The following SLC14A2 variants were observed in gnomAD, a reference collection of about 807,000 sequenced individuals.
SLC14A2 encodes the protein urea transporter 2.
Under a neutral mutation model 104.6 loss-of-function variants are expected in SLC14A2, and 91 were observed. That is an observed-to-expected ratio of 0.87 (90% confidence interval 0.73 to 1.04). SLC14A2 has a LOEUF of 1.04. Ranked by LOEUF, SLC14A2 falls within the 50% of genes least tolerant of loss-of-function variation. The probability of loss-of-function intolerance (pLI) is 0.00; values close to 1 mark genes in which losing one functional copy is unlikely to be tolerated. For missense variants in SLC14A2, 1,189 were observed against 1,156.0 expected, an observed-to-expected ratio of 1.03 and a Z score of -0.41; for synonymous variants, 476 against 466.4, an observed-to-expected ratio of 1.02 and a Z score of -0.27.
chr18:45,236,219 A>G (rs1176617741), intron 1 of SLC14A2, among the ~76,000 whole-genome samples: 2 of 49,546 alleles, frequency 4.0e-5, no homozygotes, highest in East Asian at 4.7e-4. Flanking sequence ...ATATGTGTGT[A>G]TATATGTGTA....
intron 1 of SLC14A2, among the ~76,000 whole-genome samples, chr18:45,467,229 T>A (rs2087160362): frequency 6.6e-6 from 1 of 152,172 alleles, no homozygotes; most frequent in South Asian, 2.1e-4. Flanking sequence ...AGAAGGTAAT[T>A]TACAGGCTCA....
intron 12 of SLC14A2, among the ~76,000 whole-genome samples, 199 bp downstream of exon 12, chr18:45,666,418 T>C (rs1482050582): frequency 6.6e-6 from 1 of 152,224 alleles, no homozygotes; most frequent in East Asian, 1.9e-4. Flanking sequence ...TTCCTTGTAT[T>C]TGAATTATTA....
chr18:45,592,760 C>A (rs2044666309), intron 2 of SLC14A2, among the ~76,000 whole-genome samples: 1 of 152,234 alleles, frequency 6.6e-6, no homozygotes, highest in Non-Finnish European at 1.5e-5. Flanking sequence ...CTGGGAGACC[C>A]AGTAGACAGT....
chr18:45,424,556 A>G (rs937719959), intron 1 of SLC14A2, among the ~76,000 whole-genome samples: 1 of 152,230 alleles, frequency 6.6e-6, no homozygotes, highest in Non-Finnish European at 1.5e-5. Context: ...CTAAAATCAC[A>G]ACTGTGCACA....
At position 45,594,044 on chromosome 18, in the gene SLC14A2, T is replaced by C. The variant is rs949703426; in HGVS notation, c.-34-30587T>C. The stretch of plus-strand genomic sequence containing the variant: ...TGCCAGAGTTTCTCAACCAGTGAGG[T>C]GTTTAGTGCTGCTTACTTTTTAAAA... On this transcript the variant is annotated intron_variant, in intron 2 of 20. Coordinates refer to the SLC14A2 transcript ENST00000586448. Among the ~76,000 whole-genome samples the C allele has an allele frequency of 8.5e-4, 129 of 152,130 alleles. 1 individual carries two copies. The highest frequency in any genetic ancestry group is 2.9e-3 in the African/African-American group (119 of 41,490).
chr18:45,249,126 G>A (rs2084395849), intron 1 of SLC14A2, among the ~76,000 whole-genome samples: 1 of 152,204 alleles, frequency 6.6e-6, no homozygotes. Context: ...ATGTGTGTAA[G>A]CAGCTTCACT....
intron 1 of SLC14A2, among the ~76,000 whole-genome samples, chr18:45,267,091 A>G (rs1484309345): frequency 2.0e-5 from 3 of 152,142 alleles, no homozygotes; most frequent in African/African-American, 7.2e-5. Flanking sequence ...TTGTTTAGGA[A>G]CATTTAGTGT....
At chr18:45,403,657 T>C (rs2144462342) in intron 1 of SLC14A2, among the ~76,000 whole-genome samples, 2 of 152,292 alleles carry the variant, frequency 1.3e-5, no homozygotes, top group Middle Eastern at 3.4e-3. Flanking sequence ...CTTGGCCTAA[T>C]TCACCCTGTA....
rs2045558493 is a variant in SLC14A2 at position 45,643,149 on chromosome 18, A to G, written c.1144A>G (p.Met382Val). 7 of 1,614,200 alleles carry G rather than the reference A, an allele frequency of 4.3e-6. No individual in the cohort carries two copies. The highest frequency in any genetic ancestry group is 5.1e-6 in the Non-Finnish European group (6 of 1,180,014). The change falls in exon 9 of 20, where the codon ATG becomes GTG. Residue 382 changes from methionine (M) to valine (V), a missense_variant. Physicochemically the swap from Met to Val is conservative, Grantham distance 21. Transcript: ENST00000255226. ...CTCCACAGCCCTGTTCTGTGCATAC[A>G]TGGAAGCAGCCATCTCCAACATCAT... Reference protein sequence around the residue: ...ALICALFCAYMEAAISNIMSV... With the variant: ...ALICALFCAYVEAAISNIMSV...
intron 1 of SLC14A2, among the ~76,000 whole-genome samples, chr18:45,476,533 C>G (rs548619256): frequency 6.6e-6 from 1 of 152,142 alleles, no homozygotes; most frequent in Non-Finnish European, 1.5e-5. Context: ...GCCTGCCTTG[C>G]GAGGCTGGGG....
chr18:45,262,546 C>T (rs2084550289), intron 1 of SLC14A2, among the ~76,000 whole-genome samples: 1 of 152,126 alleles, frequency 6.6e-6, no homozygotes, highest in Non-Finnish European at 1.5e-5. Context: ...TTAATTAATG[C>T]CCACACCTAC....
chr18:45,319,879 A>G (rs2085168054), intron 1 of SLC14A2, among the ~76,000 whole-genome samples: 1 of 152,212 alleles, frequency 6.6e-6, no homozygotes, highest in Non-Finnish European at 1.5e-5. Flanking sequence ...TCTGGTGCAA[A>G]CAGAACATCA....
chr18:45,208,868 T>C (rs2083936939), upstream of SLC14A2, among the ~76,000 whole-genome samples: 1 of 151,726 alleles, frequency 6.6e-6, no homozygotes, highest in African/African-American at 2.4e-5. Flanking sequence ...TGGAATGAGG[T>C]AGCATGAACA....
At chr18:45,354,188 G>A (rs564439418) in intron 1 of SLC14A2, among the ~76,000 whole-genome samples, 38 of 152,242 alleles carry the variant, frequency 2.5e-4, no homozygotes, top group Admixed American at 1.4e-3. Flanking sequence ...AGTAGAAGTC[G>A]CTGATTCAAG....
chr18:45,512,624 G>T (rs1347835444), intron 2 of SLC14A2, among the ~76,000 whole-genome samples: 1 of 152,172 alleles, frequency 6.6e-6, no homozygotes, highest in Non-Finnish European at 1.5e-5. Context: ...ACAGCTTGAT[G>T]GTCTTCCAGC....
intron 1 of SLC14A2, among the ~76,000 whole-genome samples, chr18:45,268,637 T>G (rs562636139): frequency 6.6e-6 from 1 of 152,320 alleles, no homozygotes; most frequent in South Asian, 2.1e-4. Flanking sequence ...AAGCACCTAG[T>G]ATAAGCAATT....
At chr18:45,485,988 G>A (rs953581374) in intron 2 of SLC14A2, among the ~76,000 whole-genome samples, 3 of 146,394 alleles carry the variant, frequency 2.0e-5, no homozygotes, top group Non-Finnish European at 4.4e-5. Context: ...CAAATCAAGT[G>A]GATGATGTTC....
intron 1 of SLC14A2, among the ~76,000 whole-genome samples, chr18:45,290,168 C>A (rs902817435): frequency 6.6e-6 from 1 of 152,034 alleles, no homozygotes; most frequent in South Asian, 2.1e-4. Context: ...AAGTATATTG[C>A]GTGACACTGA....
rs2045430753 is a variant in SLC14A2, at chr18:45,637,153, A to G, written c.814A>G (p.Ile272Val). 1.2e-6 allele frequency: 2 copies of G among 1,614,166 alleles called. No individual in the cohort carries two copies. The highest frequency in any genetic ancestry group is 1.7e-6 in the Non-Finnish European group (2 of 1,180,002). Reference protein sequence around the residue: ...LVEPVSSVPNITWTEMEMPLL... With the variant: ...LVEPVSSVPNVTWTEMEMPLL... ...AGAGCCTGTGTCTTCAGTGCCCAATATCACCTGGACAGAGATGGAAATGCC... is the reference window on the plus strand; with the variant it reads ...AGAGCCTGTGTCTTCAGTGCCCAATGTCACCTGGACAGAGATGGAAATGCC... The change falls in exon 6 of 20, where the codon ATC becomes GTC. Residue 272 changes from isoleucine to valine, a missense_variant. Ile to Val is a conservative substitution (Grantham distance 29). Coordinates refer to ENST00000255226, the MANE Select transcript of SLC14A2 (RefSeq NM_007163.4).
Sources: gnomAD v4.1 joint callset for allele counts (sites outside exome capture counted in the v4.1 genomes callset) on GRCh38, gnomAD v4.1.1 for gene constraint, MANE v1.5 for transcripts, NCBI Gene and HGNC (gene_info 2026-07-23, HGNC 2026-07-21) for gene names.